The following NT5DC3 variants were observed in gnomAD, a reference collection of about 807,000 sequenced individuals.
The protein encoded by NT5DC3 is 5'-nucleotidase domain-containing protein 3.
A neutral mutation model predicts 67.8 loss-of-function variants in NT5DC3; 42 were observed. That is an observed-to-expected ratio of 0.62 (90% CI 0.48 to 0.80). NT5DC3 has a LOEUF of 0.80. Ranked by LOEUF, NT5DC3 falls within the 30% of genes least tolerant of loss-of-function variation. The probability of loss-of-function intolerance (pLI) is 0.00; values close to 1 mark genes in which losing one functional copy is unlikely to be tolerated. For missense variants in NT5DC3, 570 were observed against 696.4 expected (o/e 0.82, Z 2.04); for synonymous variants, 237 against 255.6 (o/e 0.93, Z 0.69).
chr12:103,755,307 G>A, the NT5DC3 span: 4 of 1,613,924 alleles, frequency 2.5e-6, no homozygotes. Context: ...TGCAGGCCAA[G>A]TACCACCTGT....
intron 4 of NT5DC3, among the ~76,000 whole-genome samples, chr12:103,804,579 G>T (rs1886719097): frequency 6.6e-6 from 1 of 152,090 alleles, no homozygotes; most frequent in Non-Finnish European, 1.5e-5. Context: ...ACAAATTATT[G>T]AAAACATTTG....
At chr12:103,820,535 T>C (rs1244913383) in intron 1 of NT5DC3, among the ~76,000 whole-genome samples, 1 of 152,188 alleles carries the variant, frequency 6.6e-6, no homozygotes, top group African/African-American at 2.4e-5. Context: ...AGTACAATTT[T>C]TGCCAAGTAC....
At chr12:103,839,608 A>G (rs1487901079) in intron 1 of NT5DC3, among the ~76,000 whole-genome samples, 1 of 152,146 alleles carries the variant, frequency 6.6e-6, no homozygotes, top group African/African-American at 2.4e-5. Context: ...TTAAAAAAAA[A>G]ACTTTCCTGC....
the NT5DC3 span, chr12:103,750,770 G>T: frequency 6.4e-6 from 10 of 1,564,946 alleles, no homozygotes; most frequent in Non-Finnish European, 7.8e-6. Context: ...CTTCAGGCCT[G>T]GGGAAGGGAC....
At chr12:103,763,505 T>C in the NT5DC3 span, 3 of 1,614,114 alleles carry the variant, frequency 1.9e-6, no homozygotes, top group African/African-American at 1.3e-5. Context: ...GAAGAGGACA[T>C]TAATGTTGCA....
At chr12:103,838,916 A>C (rs949481580) in intron 1 of NT5DC3, among the ~76,000 whole-genome samples, 3 of 152,238 alleles carry the variant, frequency 2.0e-5, no homozygotes, top group African/African-American at 7.2e-5. Flanking sequence ...AAAATTTTAG[A>C]AATGGAGAAC....
chr12:103,782,286 T>C (rs1885587411), intron 12 of NT5DC3, among the ~76,000 whole-genome samples: 1 of 152,136 alleles, frequency 6.6e-6, no homozygotes, highest in African/African-American at 2.4e-5. Flanking sequence ...GAGAATCACT[T>C]GAGCCTGGGA....
At chr12:103,761,002 G>A in the NT5DC3 span, among the ~76,000 whole-genome samples, 1 of 49,406 alleles carries the variant, frequency 2.0e-5, no homozygotes, top group South Asian at 1.8e-3. Flanking sequence ...CATGGGGTTT[G>A]CTACTTCCTG....
At chr12:103,793,573 C>T (rs1225213138) in intron 7 of NT5DC3, 61 bp from the exon 8 acceptor site, 6 of 1,228,542 alleles carry the variant, frequency 4.9e-6, no homozygotes, top group Non-Finnish European at 7.1e-6. Context: ...TCTGCAAGTA[C>T]TTTCTAAATG....
intron 4 of NT5DC3, among the ~76,000 whole-genome samples, chr12:103,803,299 G>A (rs775424390): frequency 7.9e-5 from 12 of 152,134 alleles, no homozygotes; most frequent in Non-Finnish European, 1.5e-4. Flanking sequence ...TAAGTTAAAA[G>A]TAAGTCTGTT....
intron 11 of NT5DC3, 69 bp from the exon 12 acceptor site, chr12:103,785,544 A>T: frequency 6.8e-7 from 1 of 1,471,736 alleles, no homozygotes; most frequent in Non-Finnish European, 9.5e-7. Flanking sequence ...TTATTTTCCC[A>T]GACATGAGAG....
intron 13 of NT5DC3, among the ~76,000 whole-genome samples, chr12:103,779,393 A>G (rs1428616120): frequency 6.6e-6 from 1 of 152,258 alleles, no homozygotes; most frequent in Non-Finnish European, 1.5e-5. Context: ...TTACAAACAC[A>G]GCAAAAAATA....
intron 1 of NT5DC3, chr12:103,822,131 A>C (rs1214932696): frequency 6.6e-6 from 1 of 152,210 alleles, no homozygotes; most frequent in Admixed American, 6.5e-5. Context: ...CATTAAAAAC[A>C]AGAATATATA....
chr12:103,841,184 C>T lies in NT5DC3; in HGVS notation c.-28G>A. 1.6e-6 allele frequency: 1 copy of T among 620,766 alleles called. No individual in the cohort carries two copies. The highest frequency in any genetic ancestry group is 2.7e-6 in the Non-Finnish European group (1 of 374,550). 38.5% of individuals were successfully genotyped at this position (620,766 alleles called of 1,614,324 possible). A position where few individuals can be genotyped will look rare whatever the true frequency, so the allele number is the denominator to read the frequency against. ...CTGCTGCCTGCTGCCGCCACCGCCG[C>T]CGCGCCGCTCTGCGACTGCTGCTGC... On this transcript the variant is annotated 5_prime_UTR_variant, in exon 1 of 14. Transcript: ENST00000392876.
intron 12 of NT5DC3, 134 bp downstream of exon 12, chr12:103,785,201 C>T (rs937323958): frequency 2.0e-5 from 16 of 803,818 alleles, no homozygotes; most frequent in Non-Finnish European, 2.8e-5. Flanking sequence ...AAAAGAACCC[C>T]AATCGTTATT....
At chr12:103,792,414 C>G (rs1886105885) in intron 9 of NT5DC3, among the ~76,000 whole-genome samples, 1 of 152,210 alleles carries the variant, frequency 6.6e-6, no homozygotes, top group Non-Finnish European at 1.5e-5. Context: ...TGCTTACCAG[C>G]TGCAGAATAA....
In NT5DC3 at chr12:103,806,975, T is replaced by C. The variant is rs372796850; in HGVS notation, c.394-46A>G. ...TGGTTTTAGCCAACAATGTGCCAAG[T>C]GCAGGATCCTGTCCAGATCTGGCCC... On this transcript the variant is annotated intron_variant, in intron 2 of 13. Coordinates refer to ENST00000392876, the MANE Select transcript of NT5DC3 (RefSeq NM_001031701.3). 1.6e-5 allele frequency: 18 copies of C among 1,097,248 alleles called. No individual in the cohort carries two copies. In the Middle Eastern group the frequency reaches 9.9e-4, roughly 60 times the overall value. The allele number at this position is 1,097,248 out of a possible 1,614,324, so 68.0% of individuals were successfully genotyped here.
At position 103,793,482 on chromosome 12, in the gene NT5DC3, C is replaced by T. The variant is rs200566738; in HGVS notation, c.845G>A (p.Arg282His). ...ATCAGCCAGTTTGGCCAACACTGCG[C>T]GGGTCTGCTCAGCATAGCAGATGTA... ...EKYICYAEQTRAVLAKLADHG... is the reference protein window; with the variant it reads ...EKYICYAEQTHAVLAKLADHG... Residue 282 changes from arginine (R) to histidine (H), a missense_variant, in exon 8 of 14, where the codon CGC (arginine) becomes CAC (histidine). By Grantham distance (29) the Arg-to-His change is conservative. Around this residue, in one of 2 missense-constraint regions of NT5DC3, gnomAD observed 466 missense variants for 608.0 expected, o/e 0.77. Coordinates refer to ENST00000392876, the MANE Select transcript of NT5DC3 (RefSeq NM_001031701.3). 24 of 1,613,888 alleles carry T rather than the reference C, an allele frequency of 1.5e-5. No homozygotes were observed. The East Asian group carries it at 3.8e-4, about 25-fold the overall frequency.
intron 1 of NT5DC3, 135 bp downstream of exon 1, chr12:103,840,814 T>G (rs951640787): frequency 3.7e-5 from 14 of 382,706 alleles, no homozygotes; most frequent in East Asian, 4.0e-5. Context: ...CGGCTGGGGG[T>G]GTGGGCACCG....
Sources: gnomAD v4.1 joint callset for allele counts (sites outside exome capture counted in the v4.1 genomes callset) on GRCh38, gnomAD v4.1.1 for gene constraint, gnomAD v4.1.1 regional missense constraint, MANE v1.5 for transcripts, NCBI Gene and HGNC (gene_info 2026-07-23, HGNC 2026-07-21) for gene names.